Variants in ECPAS observed in about 807,000 individuals in gnomAD.
ECPAS encodes the protein Ecm29 proteasome adaptor and scaffold.
In ECPAS, 70 loss-of-function variants were observed where a neutral mutation model predicts 255.1. That is an observed-to-expected ratio of 0.27 (90% confidence interval 0.23 to 0.33). The LOEUF (loss-of-function observed/expected upper bound fraction) is 0.33, where lower values mean the gene tolerates loss of function less well. ECPAS is among the 10% of genes least tolerant of loss of function. The probability of loss-of-function intolerance (pLI) is 1.00; values close to 1 mark genes in which losing one functional copy is unlikely to be tolerated. For synonymous variants in ECPAS, 784 were observed against 775.0 expected, an observed-to-expected ratio of 1.01 and a Z score of -0.19; for missense variants, 1,817 against 2,206.4, an observed-to-expected ratio of 0.82 and a Z score of 3.54.
In ECPAS at chr9:111,386,386, C is replaced by T. The variant is rs2098148566; in HGVS notation, c.3518G>A (p.Arg1173Gln). ...KNLTSNMWRV[R>Q]ESSCLALNDL... ...TTCCTAAAAACGGTACCTGGATTCT[C>T]GAACTCGCCACATATTGCTTGTAAG... The change falls in exon 32 of 50, where the codon CGA (arginine) becomes CAA (glutamine). Residue 1173 changes from arginine (R) to glutamine (Q), a missense_variant. By Grantham distance (43) the Arg-to-Gln change is conservative. Coordinates refer to ENST00000684092, the MANE Select transcript of ECPAS (RefSeq NM_001364929.1). 3.8e-6 allele frequency: 6 copies of T among 1,592,432 alleles called. No individual in the cohort carries two copies. The East Asian group carries it at 1.1e-4, about 30-fold the overall frequency.
chr9:111,414,896 G>A (rs2098200777), intron 18 of ECPAS, among the ~76,000 whole-genome samples: 1 of 152,196 alleles, frequency 6.6e-6, no homozygotes, highest in South Asian at 2.1e-4. Context: ...AGAAATTGGA[G>A]CTGGAGGCTG....
chr9:111,425,273 G>A (rs569345425), intron 12 of ECPAS, 145 bp downstream of exon 12: 1 of 543,346 alleles, frequency 1.8e-6, no homozygotes. Flanking sequence ...AGTAATTTCT[G>A]AAATTTGTAC....
chr9:111,414,711 T>C (rs1262822534), intron 18 of ECPAS, 60 bp from the exon 19 acceptor site: 3 of 1,418,614 alleles, frequency 2.1e-6, no homozygotes, highest in South Asian at 1.2e-5. Context: ...TGTGGGAAGG[T>C]ACTCTTCAAA....
chr9:111,483,892 T>G, intron 1 of ECPAS: 1 of 568,732 alleles, frequency 1.8e-6, no homozygotes, highest in Non-Finnish European at 2.2e-6. Context: ...GGTTTTATAT[T>G]TAGAAAGAGC....
chr9:111,394,440 T>G, intron 25 of ECPAS, 135 bp from the exon 26 acceptor site: 1 of 767,476 alleles, frequency 1.3e-6, no homozygotes, highest in South Asian at 3.8e-5. Context: ...GTGTTTAAAG[T>G]TGCTGAAGGA....
At chr9:111,371,575 A>G (rs762407676) in intron 43 of ECPAS, 46 bp downstream of exon 43, 40 of 1,498,956 alleles carry the variant, frequency 2.7e-5, no homozygotes, top group Non-Finnish European at 3.4e-5. Flanking sequence ...GCAAAATGAA[A>G]GATGAAGTCA....
At chr9:111,434,989 C>G (rs945664478) in intron 7 of ECPAS, among the ~76,000 whole-genome samples, 2 of 150,896 alleles carry the variant, frequency 1.3e-5, no homozygotes, top group African/African-American at 4.9e-5. Context: ...ACCCCCACCT[C>G]CTGGGTTCAA....
At chr9:111,477,651 G>C (rs2098298109) in intron 1 of ECPAS, among the ~76,000 whole-genome samples, 1 of 152,142 alleles carries the variant, frequency 6.6e-6, no homozygotes. Context: ...CTAAGTTCAA[G>C]TCCTAACTGT....
chr9:111,475,842 T>C (rs901321026), intron 1 of ECPAS, among the ~76,000 whole-genome samples: 3 of 152,236 alleles, frequency 2.0e-5, no homozygotes, highest in African/African-American at 7.2e-5. Flanking sequence ...CTTTCCTATT[T>C]GGTTAAGTAA....
At chr9:111,483,426 C>A in intron 1 of ECPAS, 3 of 736,386 alleles carry the variant, frequency 4.1e-6, no homozygotes, top group Non-Finnish European at 5.0e-6. Context: ...GCGCCCCAGC[C>A]CTCATGCGGC....
intron 2 of ECPAS, among the ~76,000 whole-genome samples, chr9:111,461,939 T>C (rs1344390721): frequency 3.3e-5 from 5 of 152,102 alleles, no homozygotes; most frequent in African/African-American, 1.2e-4. Context: ...TAAGACCCAC[T>C]CGCTATCACG....
intron 24 of ECPAS, among the ~76,000 whole-genome samples, chr9:111,403,055 A>G (rs2098178564): frequency 1.3e-5 from 2 of 152,128 alleles, no homozygotes; most frequent in Non-Finnish European, 2.9e-5. Context: ...TATGCTGCCT[A>G]CAAGAAATTC....
intron 49 of ECPAS, 32 bp downstream of exon 49, chr9:111,363,556 T>G: frequency 7.5e-7 from 1 of 1,332,800 alleles, no homozygotes; most frequent in South Asian, 1.2e-5. Flanking sequence ...CATGGCTTTA[T>G]GGTCCCCCAG....
At chr9:111,432,171 A>G (rs1422482283) in intron 8 of ECPAS, among the ~76,000 whole-genome samples, 2 of 152,258 alleles carry the variant, frequency 1.3e-5, no homozygotes, top group African/African-American at 2.4e-5. Flanking sequence ...ATTTTTCTAA[A>G]TCTCTTTCTG....
intron 25 of ECPAS, among the ~76,000 whole-genome samples, chr9:111,394,903 T>C (rs1365414698): frequency 1.3e-5 from 2 of 152,186 alleles, no homozygotes; most frequent in Non-Finnish European, 2.9e-5. Flanking sequence ...CCCTTCAAAA[T>C]AGTTGTTTAA....
At chr9:111,470,979 T>G (rs1286680270) in intron 2 of ECPAS, among the ~76,000 whole-genome samples, 3 of 152,110 alleles carry the variant, frequency 2.0e-5, no homozygotes, top group African/African-American at 7.2e-5. Flanking sequence ...CAGGAAAGAT[T>G]ACTTCAGCTT....
intron 4 of ECPAS, among the ~76,000 whole-genome samples, chr9:111,443,529 A>C (rs1477550634): frequency 6.8e-6 from 1 of 147,238 alleles, no homozygotes; most frequent in Non-Finnish European, 1.5e-5. Flanking sequence ...GATTACAGGT[A>C]TGAGCCGACG....
chr9:111,395,027 A>C (rs1212862462), intron 25 of ECPAS, among the ~76,000 whole-genome samples: 2 of 152,172 alleles, frequency 1.3e-5, no homozygotes, highest in African/African-American at 4.8e-5. Context: ...TCCTGTTGCT[A>C]AGTCCAATGA....
chr9:111,373,194 T>C lies in ECPAS; in HGVS notation c.4312A>G (p.Asn1438Asp), dbSNP rs200284395. The C allele has an allele frequency of 5.6e-6, 9 of 1,611,658 alleles. No individual in the cohort carries two copies. The highest frequency in any genetic ancestry group is 7.6e-6 in the Non-Finnish European group (9 of 1,177,984). The stretch of plus-strand genomic sequence containing the variant: ...CCTTCTTTCTCCATATACCACCCAT[T>C]GAGCTTCTGCAGGAGTTTTTCAGTG... ...SSTEKLLQKLNGWYMEKEEPI... is the reference protein window; with the variant it reads ...SSTEKLLQKLDGWYMEKEEPI... The change falls in exon 41 of 50, where the codon AAT becomes GAT. Residue 1438 changes from asparagine to aspartate, a missense_variant. Transcript: ENST00000684092.
Sources: gnomAD v4.1 joint callset for allele counts (sites outside exome capture counted in the v4.1 genomes callset) on GRCh38, gnomAD v4.1.1 for gene constraint, MANE v1.5 for transcripts, NCBI Gene and HGNC (gene_info 2026-07-23, HGNC 2026-07-21) for gene names.